The following PBX1 variants were observed in gnomAD, a reference collection of about 807,000 sequenced individuals.
PBX1 encodes pre-B-cell leukemia transcription factor 1.
In PBX1, 6 loss-of-function variants were observed where a neutral mutation model predicts 53.4. That is an observed-to-expected ratio of 0.11 (90% CI 0.06 to 0.22). The LOEUF is 0.22. Ranked by LOEUF, PBX1 falls within the 10% of genes least tolerant of loss-of-function variation. PBX1 has a pLI of 1.00. For synonymous variants in PBX1, 204 were observed against 212.3 expected (o/e 0.96, Z 0.34); for missense variants, 251 against 551.4 (o/e 0.46, Z 5.46).
intron 1 of PBX1, among the ~76,000 whole-genome samples, chr1:164,560,780 GA>G (rs1294077771): frequency 1.8e-4 from 28 of 152,226 alleles, no homozygotes; most frequent in Middle Eastern, 3.4e-3. Context: ...CCGTGACACA[GA>G]CAGCTATGTA....
intron 2 of PBX1, among the ~76,000 whole-genome samples, chr1:164,700,915 G>GTGTT (rs1221584445): frequency 6.6e-6 from 1 of 152,174 alleles, no homozygotes; most frequent in Admixed American, 6.5e-5. Flanking sequence ...ACCTCTCTGG[G>GTGTT]TGTTAGTTTC....
chr1:164,853,572 C>T (rs568355863), downstream of PBX1, among the ~76,000 whole-genome samples: 1 of 152,344 alleles, frequency 6.6e-6, no homozygotes, highest in African/African-American at 2.4e-5. Context: ...AAACAGAAGT[C>T]TCCACCTCTA....
rs1325566075 is a variant in PBX1 at position 164,672,400 on chromosome 1, A to G, written c.265+109089A>G. ...AATGAGAATTTCTCCTAATTATTTC[A>G]GTGGCTGCAGCAGAGGGACCGCAGT... On this transcript the variant is annotated intron_variant, in intron 2 of 8. Coordinates refer to ENST00000420696, the MANE Select transcript of PBX1 (RefSeq NM_002585.4). Among the ~76,000 whole-genome samples the G allele has an allele frequency of 4.6e-5, 7 of 152,222 alleles. No homozygotes were observed. In the East Asian group the frequency reaches 1.4e-3, roughly 29 times the overall value.
At chr1:164,842,077 G>C (rs549087938) in intron 8 of PBX1, among the ~76,000 whole-genome samples, 3 of 152,308 alleles carry the variant, frequency 2.0e-5, no homozygotes, top group African/African-American at 7.2e-5. Context: ...AATCGCAGAG[G>C]AAGAGTGGGA....
intron 2 of PBX1, among the ~76,000 whole-genome samples, chr1:164,728,439 C>T (rs1396168400): frequency 1.3e-5 from 2 of 152,080 alleles, no homozygotes; most frequent in East Asian, 3.8e-4. Flanking sequence ...CAAATGTGCT[C>T]CCATTTCCTG....
chr1:164,618,393 C>G (rs1657444031), intron 2 of PBX1, among the ~76,000 whole-genome samples: 1 of 151,192 alleles, frequency 6.6e-6, no homozygotes, highest in African/African-American at 2.4e-5. Flanking sequence ...GCACTTGAAC[C>G]TTGTCAATGA....
chr1:164,719,970 T>A (rs192451386), intron 2 of PBX1, among the ~76,000 whole-genome samples: 22 of 152,308 alleles, frequency 1.4e-4, no homozygotes, highest in Admixed American at 4.6e-4. Context: ...CGCTGACCTT[T>A]TCGTGAAGCA....
chr1:164,714,780 A>G (rs1316688456), intron 2 of PBX1, among the ~76,000 whole-genome samples: 1 of 152,182 alleles, frequency 6.6e-6, no homozygotes, highest in Admixed American at 6.6e-5. Flanking sequence ...CACTCTGAAG[A>G]CTACCCACTC....
At chr1:164,844,115 C>CTTTCT (rs1553253441) in intron 8 of PBX1, among the ~76,000 whole-genome samples, 1 of 61,114 alleles carries the variant, frequency 1.6e-5, no homozygotes, top group Admixed American at 1.3e-4. Flanking sequence ...TTCTTTCTTT[C>CTTTCT]TTTTTTTTTT....
At chr1:164,669,474 G>T (rs1206589587) in intron 2 of PBX1, among the ~76,000 whole-genome samples, 1 of 152,168 alleles carries the variant, frequency 6.6e-6, no homozygotes, top group Non-Finnish European at 1.5e-5. Context: ...TGTGGGTGTT[G>T]CAGGTGAGCA....
chr1:164,669,757 T>C (rs1030279342), intron 2 of PBX1, among the ~76,000 whole-genome samples: 2 of 152,204 alleles, frequency 1.3e-5, no homozygotes, highest in African/African-American at 2.4e-5. Context: ...TGCTACCCAA[T>C]TGGCCTTTCC....
At position 164,623,710 on chromosome 1, in the gene PBX1, CTG is replaced by C. The variant is rs1657844573; in HGVS notation, c.265+60402_265+60403del. Among the ~76,000 whole-genome samples the C allele has an allele frequency of 3.3e-5, 5 of 152,198 alleles. No individual in the cohort carries two copies. The South Asian group carries it at 1.0e-3, about 32-fold the overall frequency. On this transcript the variant is annotated intron_variant, in intron 2 of 8. Transcript: ENST00000420696. The stretch of plus-strand genomic sequence containing the variant: ...TGGTGCTTGGATATTCCCCACTTCT[CTG>C]TGCTTCTTGGTTCCTGCAGAGCCTG...
chr1:164,728,584 T>A (rs1274078645), intron 2 of PBX1, among the ~76,000 whole-genome samples: 1 of 152,184 alleles, frequency 6.6e-6, no homozygotes, highest in African/African-American at 2.4e-5. Context: ...GTATTTTGAT[T>A]TAGACAAGGC....
chr1:164,652,755 A>G (rs1048513955), intron 2 of PBX1, among the ~76,000 whole-genome samples: 1 of 152,304 alleles, frequency 6.6e-6, no homozygotes, highest in Middle Eastern at 3.4e-3. Context: ...TGTTTTGACA[A>G]GTAAATATAC....
At chr1:164,685,585 G>A (rs1470660380) in intron 2 of PBX1, among the ~76,000 whole-genome samples, 1 of 152,176 alleles carries the variant, frequency 6.6e-6, no homozygotes, top group Non-Finnish European at 1.5e-5. Context: ...AGGGAAGAGG[G>A]TCCAGAGACA....
intron 2 of PBX1, among the ~76,000 whole-genome samples, chr1:164,625,224 CAT>C (rs556684465): frequency 7.3e-4 from 111 of 152,272 alleles, no homozygotes; most frequent in African/African-American, 2.6e-3. Flanking sequence ...CTTTTAGAAA[CAT>C]ATATTCAGTG....
intron 2 of PBX1, among the ~76,000 whole-genome samples, chr1:164,698,864 A>G (rs542680748): frequency 1.2e-4 from 19 of 152,340 alleles, no homozygotes; most frequent in African/African-American, 4.3e-4. Flanking sequence ...AACACGAGGT[A>G]CCACAACTGC....
chr1:164,748,168 CAAATCCTTTATT>C (rs1224374578), intron 2 of PBX1, among the ~76,000 whole-genome samples: 2 of 152,128 alleles, frequency 1.3e-5, no homozygotes, highest in Non-Finnish European at 2.9e-5. Flanking sequence ...TAGTGTATGT[CAAATCCTTTATT>C]AAAAAGTACA....
At chr1:164,611,006 G>C (rs1656885413) in intron 2 of PBX1, among the ~76,000 whole-genome samples, 1 of 152,014 alleles carries the variant, frequency 6.6e-6, no homozygotes, top group Admixed American at 6.6e-5. Flanking sequence ...TACTCTTTGT[G>C]CCAGCACTTT....
Sources: allele counts gnomAD v4.1 joint callset (sites outside exome capture counted in the v4.1 genomes callset), GRCh38; gene constraint gnomAD v4.1.1; transcripts MANE v1.5; gene names NCBI Gene and HGNC (gene_info 2026-07-23, HGNC 2026-07-21).